The following SFTPD variants were observed in gnomAD, a reference collection of about 807,000 sequenced individuals.
SFTPD encodes the protein surfactant protein D, also known as pulmonary surfactant-associated protein D.
In SFTPD, 18 loss-of-function variants were observed where a neutral mutation model predicts 34.6. That is an observed-to-expected ratio of 0.52 (90% CI 0.36 to 0.77). The LOEUF (loss-of-function observed/expected upper bound fraction) is 0.77, where lower values mean the gene tolerates loss of function less well. Among genes scored for constraint, SFTPD ranks in the 30% least tolerant of loss-of-function variants. SFTPD has a pLI of 0.00. For missense variants in SFTPD, 433 were observed against 468.9 expected, an observed-to-expected ratio of 0.92 and a Z score of 0.71; for synonymous variants, 155 against 180.9, an observed-to-expected ratio of 0.86 and a Z score of 1.15.
chr10:79,963,611 T>C (rs1842787204), intron 1 of SFTPD, among the ~76,000 whole-genome samples: 1 of 152,230 alleles, frequency 6.6e-6, no homozygotes, highest in Non-Finnish European at 1.5e-5. Flanking sequence ...TATCCTGTCA[T>C]GTATTTATGA....
intron 2 of SFTPD, among the ~76,000 whole-genome samples, chr10:79,946,000 G>T (rs766929881): frequency 6.6e-6 from 1 of 152,190 alleles, no homozygotes; most frequent in African/African-American, 2.4e-5. Context: ...TTTTCTCCCC[G>T]TGTAATGTAT....
chr10:79,937,927 A>G lies in SFTPD; in HGVS notation c.1053T>C (p.Cys351=). ...EPNDDGGSED[C]VEIFTNGKWN... ...ACTTGCCATTGGTGAAGATCTCCAC[A>G]CAGTCCTCTGACCCGCCATCATCGT... The change falls in exon 8 of 8, where the codon TGT becomes TGC. Residue 351 remains cysteine, a synonymous_variant. Transcript: ENST00000372292. The G allele has an allele frequency of 6.2e-7, 1 of 1,607,938 alleles. No homozygotes were observed. The highest frequency in any genetic ancestry group is 2.2e-5 in the East Asian group (1 of 44,690).
intron 2 of SFTPD, among the ~76,000 whole-genome samples, chr10:79,945,923 G>T (rs1455743677): frequency 6.6e-6 from 1 of 152,106 alleles, no homozygotes; most frequent in Non-Finnish European, 1.5e-5. Flanking sequence ...TAAGACTCTT[G>T]GGAGGATTAA....
At chr10:79,965,375 C>G (rs868043533) in intron 1 of SFTPD, among the ~76,000 whole-genome samples, 1 of 152,106 alleles carries the variant, frequency 6.6e-6, no homozygotes, top group South Asian at 2.1e-4. Context: ...AATATCACCC[C>G]TTACCACAAA....
chr10:79,966,701 G>T (rs1842805003), intron 1 of SFTPD, among the ~76,000 whole-genome samples: 1 of 145,352 alleles, frequency 6.9e-6, no homozygotes, highest in Admixed American at 6.8e-5. Context: ...TTCTTCTAGG[G>T]TTTTTATGGT....
chr10:79,947,989 G>T (rs1045144813), intron 1 of SFTPD, among the ~76,000 whole-genome samples: 1 of 152,254 alleles, frequency 6.6e-6, no homozygotes, highest in African/African-American at 2.4e-5. Context: ...AGGCCAACTG[G>T]GGTGGTGGCA....
At chr10:79,941,651 C>A (rs1842612742) in intron 5 of SFTPD, 137 bp from the exon 6 acceptor site, 1 of 684,062 alleles carries the variant, frequency 1.5e-6, no homozygotes. Flanking sequence ...CCCAGCCATG[C>A]AGCTCCCTGT....
intron 1 of SFTPD, among the ~76,000 whole-genome samples, chr10:79,976,015 T>G (rs1180862418): frequency 6.6e-6 from 1 of 152,222 alleles, no homozygotes; most frequent in Non-Finnish European, 1.5e-5. Context: ...GTTACAGTGC[T>G]GCAGAGATTT....
At position 79,955,616 on chromosome 10, in the gene SFTPD, A is replaced by C. The variant is rs111802847; in HGVS notation, c.37-8954T>G. Among the ~76,000 whole-genome samples the C allele has an allele frequency of 3.4e-3, 516 of 152,324 alleles. 2 individuals carry two copies. The highest frequency in any genetic ancestry group is 5.9e-3 in the Non-Finnish European group (403 of 68,036). Reference sequence around the variant, plus strand: ...AGGTGCTATCTGTTGTTGCAATCTAATCTGTTCACTAGATTCTGCAACAAT... The same window carrying C: ...AGGTGCTATCTGTTGTTGCAATCTACTCTGTTCACTAGATTCTGCAACAAT... On this transcript the variant is annotated intron_variant, in intron 1 of 5. Coordinates refer to the SFTPD transcript ENST00000444384.
intron 1 of SFTPD, among the ~76,000 whole-genome samples, chr10:79,947,765 G>T (rs1191503761): frequency 6.6e-6 from 1 of 152,220 alleles, no homozygotes; most frequent in African/African-American, 2.4e-5. Context: ...AGTGTTGTGG[G>T]TAAGCAAGAG....
chr10:79,953,563 A>AT (rs1410103673), upstream of SFTPD, among the ~76,000 whole-genome samples: 2 of 150,920 alleles, frequency 1.3e-5, no homozygotes, highest in Non-Finnish European at 2.9e-5. Context: ...GCTGCTTTCA[A>AT]TTTTTTTTCT....
chr10:79,954,970 C>T (rs1842730490), intron 1 of SFTPD, among the ~76,000 whole-genome samples: 1 of 152,122 alleles, frequency 6.6e-6, no homozygotes, highest in South Asian at 2.1e-4. Context: ...AGCTATAGCT[C>T]ATTCACTTGA....
intron 1 of SFTPD, chr10:79,971,625 T>C (rs1002626898): frequency 1.3e-5 from 2 of 152,208 alleles, no homozygotes; most frequent in African/African-American, 4.8e-5. Flanking sequence ...TCCATTAGGC[T>C]TTCCAATTTA....
intron 5 of SFTPD, among the ~76,000 whole-genome samples, 189 bp downstream of exon 5, chr10:79,941,765 C>T (rs1842613793): frequency 6.6e-6 from 1 of 152,150 alleles, no homozygotes; most frequent in Admixed American, 6.5e-5. Flanking sequence ...ATTGCTTGCG[C>T]CTCACTCTCC....
upstream of SFTPD, among the ~76,000 whole-genome samples, chr10:79,952,897 G>C (rs1174609639): frequency 6.6e-6 from 1 of 152,198 alleles, no homozygotes; most frequent in Admixed American, 6.5e-5. Context: ...AGGTGCAGAG[G>C]GTTTCTCCAA....
At chr10:79,956,571 A>G (rs552996921) in intron 1 of SFTPD, among the ~76,000 whole-genome samples, 26 of 152,356 alleles carry the variant, frequency 1.7e-4, no homozygotes, top group African/African-American at 4.6e-4. Flanking sequence ...GCAGTCTGAG[A>G]TCAAATTGCA....
intron 2 of SFTPD, 55 bp from the exon 3 acceptor site, chr10:79,942,934 G>T: frequency 1.8e-6 from 2 of 1,123,764 alleles, no homozygotes; most frequent in South Asian, 1.2e-5. Flanking sequence ...GAAAGGGCCA[G>T]CCTCCTGCAG....
chr10:79,981,085 A>G (rs1842887624), intron 1 of SFTPD, among the ~76,000 whole-genome samples: 1 of 152,224 alleles, frequency 6.6e-6, no homozygotes, highest in Non-Finnish European at 1.5e-5. Context: ...AAGGTAATAC[A>G]GAGAGGGAAT....
rs201790943 is a variant in SFTPD at position 79,942,051 on chromosome 10, G to T, written c.453C>A (p.Gly151=). The T allele has an allele frequency of 1.8e-5, 29 of 1,612,704 alleles. No individual in the cohort carries two copies. The Middle Eastern group carries it at 2.6e-3, about 147-fold the overall frequency. ...AGPKGEVGAP[G]MQGSAGARGL... ...CTCTTGCCCCTGCCGAGCCCTGCAT[G>T]CCTGGGGCACCTACTTCTCCTGAAG... The change falls in exon 5 of 8, where the codon GGC becomes GGA. Residue 151 remains glycine, a synonymous_variant. Coordinates refer to ENST00000372292, the MANE Select transcript of SFTPD (RefSeq NM_003019.5).
Sources: gnomAD v4.1 joint callset for allele counts (sites outside exome capture counted in the v4.1 genomes callset) on GRCh38, gnomAD v4.1.1 for gene constraint, MANE v1.5 for transcripts, NCBI Gene and HGNC (gene_info 2026-07-23, HGNC 2026-07-21) for gene names.